KCNN2: variants seen among roughly 807,000 people sequenced by gnomAD.
KCNN2 encodes potassium calcium-activated channel subfamily N member 2.
Under a neutral mutation model 55.5 loss-of-function variants are expected in KCNN2, and 24 were observed. The ratio of observed to expected loss-of-function variants is 0.43; its 90% CI spans 0.31 to 0.61. The LOEUF (loss-of-function observed/expected upper bound fraction) is 0.61, where lower values mean the gene tolerates loss of function less well. Among genes scored for constraint, KCNN2 ranks in the 20% least tolerant of loss-of-function variants. KCNN2 has a pLI of 0.08. For missense variants in KCNN2, 754 were observed against 853.6 expected (o/e 0.88, Z 1.45); for synonymous variants, 431 against 336.1 (o/e 1.28, Z -3.09).
Position 114,362,613 on chromosome 5 carries a change from C to T in KCNN2, c.474C>T (p.His158=), listed in dbSNP as rs1245691694. 2 of 938,294 alleles carry T rather than the reference C, an allele frequency of 2.1e-6. No individual in the cohort carries two copies. Among genetic ancestry groups the T allele is most frequent in the Non-Finnish European group, 1.5e-6 (1 of 654,310 alleles). The allele number at this position is 938,294 out of a possible 1,614,324, so 58.1% of individuals were successfully genotyped here. Residue 158 remains histidine (H), a synonymous_variant, in exon 1 of 8, where the codon CAC becomes CAT. Coordinates refer to ENST00000673685, the MANE Select transcript of KCNN2 (RefSeq NM_021614.4). The part of the protein sequence containing the change: ...AQQSASASQY[H]QCHSLQPAAS... Reference sequence around the variant, plus strand: ...AGTCGGCGTCCGCCTCCCAGTACCACCAGTGCCACAGCCTGCAGCCCGCCG... The same window carrying T: ...AGTCGGCGTCCGCCTCCCAGTACCATCAGTGCCACAGCCTGCAGCCCGCCG...
chr5:114,131,210 C>T (rs1037104961), intron 1 of KCNN2, among the ~76,000 whole-genome samples: 1 of 152,078 alleles, frequency 6.6e-6, no homozygotes, highest in Non-Finnish European at 1.5e-5. Context: ...TGGTGGTTTG[C>T]TGCACGAATT....
At position 114,441,277 on chromosome 5, in the gene KCNN2, GC is replaced by G. The variant is rs1561385596; in HGVS notation, c.1638-21771del. Among the ~76,000 whole-genome samples the G allele has an allele frequency of 6.6e-5, 10 of 152,160 alleles. No homozygotes were observed. The South Asian group carries it at 2.1e-3, about 31-fold the overall frequency. ...TACAACTCAGTATTTAATGAGTCAT[GC>G]AGATGAAAAAGATTATAGATGATTT... On this transcript the variant is annotated intron_variant, in intron 3 of 7. Transcript: ENST00000673685.
chr5:114,418,746 C>A (rs535099591), intron 3 of KCNN2, among the ~76,000 whole-genome samples: 1 of 152,262 alleles, frequency 6.6e-6, no homozygotes, highest in Admixed American at 6.5e-5. Flanking sequence ...CAACTTAGGT[C>A]CTGCTGTGCA....
chr5:114,144,674 A>T (rs990468932), intron 1 of KCNN2, among the ~76,000 whole-genome samples: 3 of 152,072 alleles, frequency 2.0e-5, no homozygotes, highest in East Asian at 3.9e-4. Context: ...ACAGGTAATT[A>T]TGTTGGTTTT....
chr5:114,123,162 T>C (rs1561484899), intron 1 of KCNN2, among the ~76,000 whole-genome samples: 1 of 152,112 alleles, frequency 6.6e-6, no homozygotes, highest in South Asian at 2.1e-4. Flanking sequence ...TGCCCAGATA[T>C]CTTATATCTC....
chr5:114,274,597 A>G (rs1445810586), intron 2 of KCNN2, among the ~76,000 whole-genome samples: 2 of 152,090 alleles, frequency 1.3e-5, no homozygotes, highest in Non-Finnish European at 2.9e-5. Flanking sequence ...CTTCGTAGCA[A>G]TTGTGAATGG....
intron 2 of KCNN2, among the ~76,000 whole-genome samples, chr5:114,310,292 GC>G (rs1178526949): frequency 6.6e-6 from 1 of 152,006 alleles, no homozygotes. Flanking sequence ...CAGTGCTCCC[GC>G]CCCAGTACTC....
At chr5:114,083,964 G>C (rs1176598764) in intron 1 of KCNN2, among the ~76,000 whole-genome samples, 1 of 151,976 alleles carries the variant, frequency 6.6e-6, no homozygotes, top group Non-Finnish European at 1.5e-5. Flanking sequence ...CTTTCACTTA[G>C]CAATATGCAT....
chr5:114,076,717 G>A (rs887852085), intron 1 of KCNN2, among the ~76,000 whole-genome samples: 38 of 151,996 alleles, frequency 2.5e-4, no homozygotes, highest in African/African-American at 9.2e-4. Flanking sequence ...TTTGAGAGAT[G>A]GAGGCTCGCT....
chr5:114,386,623 T>C (rs1758295454), intron 2 of KCNN2, among the ~76,000 whole-genome samples: 1 of 152,202 alleles, frequency 6.6e-6, no homozygotes, highest in Non-Finnish European at 1.5e-5. Context: ...GATACAAAAA[T>C]ACAGAATTTA....
At chr5:114,274,590 C>T (rs1225671260) in intron 2 of KCNN2, among the ~76,000 whole-genome samples, 14 of 151,866 alleles carry the variant, frequency 9.2e-5, no homozygotes, top group South Asian at 8.3e-4. Context: ...TTATTCTCTT[C>T]GTAGCAATTG....
At chr5:114,287,372 G>A (rs1301883672) in intron 2 of KCNN2, among the ~76,000 whole-genome samples, 1 of 152,070 alleles carries the variant, frequency 6.6e-6, no homozygotes, top group Non-Finnish European at 1.5e-5. Context: ...TGATAGACTG[G>A]GTAAAGAAAA....
intron 1 of KCNN2, among the ~76,000 whole-genome samples, chr5:114,137,612 A>G (rs968425440): frequency 1.3e-5 from 2 of 152,164 alleles, no homozygotes; most frequent in Non-Finnish European, 2.9e-5. Context: ...GGCATGGCTT[A>G]GAGTGGCAAT....
At chr5:114,422,867 G>A (rs1759509632) in intron 3 of KCNN2, among the ~76,000 whole-genome samples, 1 of 152,120 alleles carries the variant, frequency 6.6e-6, no homozygotes, top group Non-Finnish European at 1.5e-5. Context: ...TTGTCCTATT[G>A]CCAGACAAAT....
At chr5:114,175,801 G>T (rs998022134) in intron 1 of KCNN2, among the ~76,000 whole-genome samples, 6 of 152,090 alleles carry the variant, frequency 3.9e-5, no homozygotes, top group African/African-American at 1.4e-4. Context: ...CACTTTAGTT[G>T]AATTGCTGTA....
chr5:114,389,105 G>A (rs188236762), intron 2 of KCNN2, among the ~76,000 whole-genome samples: 24 of 152,182 alleles, frequency 1.6e-4, no homozygotes, highest in Admixed American at 4.6e-4. Flanking sequence ...ATGTGTGTGC[G>A]TGTGTGAGTG....
At chr5:114,383,043 AG>A in intron 2 of KCNN2, among the ~76,000 whole-genome samples, 1 of 152,324 alleles carries the variant, frequency 6.6e-6, no homozygotes, top group South Asian at 2.1e-4. Context: ...TAAAGCCTCA[AG>A]GGAGGGGGGT....
chr5:114,056,659 C>T (rs1201179843), intron 1 of KCNN2, among the ~76,000 whole-genome samples: 39 of 152,092 alleles, frequency 2.6e-4, no homozygotes, highest in Admixed American at 2.6e-3. Flanking sequence ...TAAAAAGAAA[C>T]ATTCTCCTGG....
chr5:114,156,507 T>C (rs1414395481), intron 1 of KCNN2, among the ~76,000 whole-genome samples: 2 of 152,194 alleles, frequency 1.3e-5, no homozygotes, highest in Non-Finnish European at 2.9e-5. Flanking sequence ...ATTCTTCCTA[T>C]CCATGAGGAT....
Sources: allele counts gnomAD v4.1 joint callset (sites outside exome capture counted in the v4.1 genomes callset), GRCh38; gene constraint gnomAD v4.1.1; transcripts MANE v1.5; gene names NCBI Gene and HGNC (gene_info 2026-07-23, HGNC 2026-07-21).